The following TMEM163 variants were observed in gnomAD, a reference collection of about 807,000 sequenced individuals.
TMEM163 encodes the protein transmembrane protein 163.
TMEM163 carries 17 observed loss-of-function variants against 29.3 expected under a neutral mutation model. That is an observed-to-expected ratio of 0.58 (90% CI 0.40 to 0.87). The LOEUF (loss-of-function observed/expected upper bound fraction) is 0.87. TMEM163 is among the 40% of genes least tolerant of loss of function. The pLI is 0.00. For synonymous variants in TMEM163, 157 were observed against 160.6 expected, an observed-to-expected ratio of 0.98 and a Z score of 0.17; for missense variants, 303 against 381.5, an observed-to-expected ratio of 0.79 and a Z score of 1.71.
intron 2 of TMEM163, among the ~76,000 whole-genome samples, chr2:134,648,332 C>CTTCTCTTCTCTTCTCTTCTT (rs1683386156): frequency 6.6e-6 from 1 of 151,680 alleles, no homozygotes; most frequent in African/African-American, 2.4e-5. Flanking sequence ...CTTCTCTTCT[C>CTTCTCTTCTCTTCTCTTCTT]TTCTCTTCTC....
intron 2 of TMEM163, among the ~76,000 whole-genome samples, chr2:134,706,486 T>G (rs1181525893): frequency 6.6e-6 from 1 of 152,178 alleles, no homozygotes; most frequent in African/African-American, 2.4e-5. Context: ...AACACAATGA[T>G]ACAAGTATTG....
Position 134,621,201 on chromosome 2 carries a change from C to T in TMEM163, c.323-69110G>A, listed in dbSNP as rs1030548079. 2.0e-5 allele frequency among the ~76,000 whole-genome samples: 3 copies of T among 152,198 alleles called. No homozygotes were observed. The East Asian group carries it at 5.8e-4, about 29-fold the overall frequency. ...ATATATTTCACCAAAGAAGAAAACA[C>T]ACATGGCTAATAAGCACATGAAGAG... On this transcript the variant is annotated intron_variant, in intron 2 of 7. Coordinates refer to ENST00000281924, the MANE Select transcript of TMEM163 (RefSeq NM_030923.5).
chr2:134,705,718 G>T (rs1684796465), intron 2 of TMEM163, among the ~76,000 whole-genome samples: 1 of 152,202 alleles, frequency 6.6e-6, no homozygotes, highest in Non-Finnish European at 1.5e-5. Flanking sequence ...CCTGACAGAG[G>T]CAATTCCTAG....
At chr2:134,712,345 T>C (rs1684944409) in intron 2 of TMEM163, among the ~76,000 whole-genome samples, 1 of 152,200 alleles carries the variant, frequency 6.6e-6, no homozygotes, top group South Asian at 2.1e-4. Context: ...ACATGTGCTT[T>C]TTTTCTCCTA....
chr2:134,583,720 C>T (rs1681747842), intron 2 of TMEM163, among the ~76,000 whole-genome samples: 1 of 152,188 alleles, frequency 6.6e-6, no homozygotes, highest in Non-Finnish European at 1.5e-5. Flanking sequence ...CCAGTGACCT[C>T]ATGGTCCCCT....
chr2:134,456,907 T>C, intron 7 of TMEM163, 131 bp from the exon 8 acceptor site: 2 of 882,436 alleles, frequency 2.3e-6, no homozygotes, highest in Non-Finnish European at 3.6e-6. Context: ...GCTCGGTGGT[T>C]TTTAGTATAT....
intron 2 of TMEM163, among the ~76,000 whole-genome samples, chr2:134,570,526 C>CAAT: frequency 7.7e-6 from 1 of 130,218 alleles, no homozygotes; most frequent in Middle Eastern, 4.0e-3. Flanking sequence ...ACATATACAA[C>CAAT]ATAGTCATTT....
chr2:134,660,355 G>A (rs1683719912), intron 2 of TMEM163, among the ~76,000 whole-genome samples: 1 of 152,188 alleles, frequency 6.6e-6, no homozygotes, highest in Non-Finnish European at 1.5e-5. Flanking sequence ...CAATCAGGAA[G>A]GCAAGATATA....
intron 2 of TMEM163, among the ~76,000 whole-genome samples, chr2:134,566,009 T>C (rs1367526624): frequency 6.6e-6 from 1 of 152,190 alleles, no homozygotes; most frequent in East Asian, 1.9e-4. Flanking sequence ...GAGTGGTGGC[T>C]ACACAGCTAT....
rs570997349 is a variant in TMEM163 at position 134,595,265 on chromosome 2, C to T, written c.323-43174G>A. Reference sequence around the variant, plus strand: ...TCTCCTAATGCTATCCCTCCCCACTCCCCCCAACCCCACAACAGGCCCTGG... The same window carrying T: ...TCTCCTAATGCTATCCCTCCCCACTTCCCCCAACCCCACAACAGGCCCTGG... On this transcript the variant is annotated intron_variant, in intron 2 of 7. Coordinates refer to ENST00000281924, the MANE Select transcript of TMEM163 (RefSeq NM_030923.5). Among the ~76,000 whole-genome samples, 4 of 152,022 alleles carry T rather than the reference C, an allele frequency of 2.6e-5. No individual in the cohort carries two copies. The South Asian group carries it at 8.3e-4, about 32-fold the overall frequency.
At chr2:134,660,720 G>T (rs534093085) in intron 2 of TMEM163, among the ~76,000 whole-genome samples, 7 of 152,274 alleles carry the variant, frequency 4.6e-5, no homozygotes, top group Non-Finnish European at 1.5e-5. Flanking sequence ...GAGAAACCAG[G>T]CCATTAGACA....
At chr2:134,681,757 G>A (rs987877894) in intron 2 of TMEM163, among the ~76,000 whole-genome samples, 1 of 152,194 alleles carries the variant, frequency 6.6e-6, no homozygotes, top group Non-Finnish European at 1.5e-5. Context: ...AGGGTGTGTG[G>A]AATGGACAAA....
intron 2 of TMEM163, among the ~76,000 whole-genome samples, chr2:134,578,920 A>G (rs1252369739): frequency 6.6e-6 from 1 of 152,106 alleles, no homozygotes; most frequent in African/African-American, 2.4e-5. Flanking sequence ...CAAATTCCCT[A>G]CCACAGAGCT....
chr2:134,607,802 GGAC>G (rs1682407813), intron 2 of TMEM163, among the ~76,000 whole-genome samples: 1 of 45,796 alleles, frequency 2.2e-5, no homozygotes. Flanking sequence ...GTGAAAAGGA[GGAC>G]AGACCCCGAG....
intron 2 of TMEM163, among the ~76,000 whole-genome samples, chr2:134,644,036 A>T (rs1050562800): frequency 3.9e-5 from 6 of 152,102 alleles, no homozygotes; most frequent in Admixed American, 1.3e-4. Flanking sequence ...CAAAACATTA[A>T]ATGCAGGTAA....
chr2:134,527,276 T>G (rs1335256171), intron 4 of TMEM163, among the ~76,000 whole-genome samples: 1 of 152,156 alleles, frequency 6.6e-6, no homozygotes, highest in Non-Finnish European at 1.5e-5. Context: ...TATACATACA[T>G]GCATATGTGT....
intron 2 of TMEM163, among the ~76,000 whole-genome samples, chr2:134,565,235 CAA>C (rs1172343482): frequency 6.6e-6 from 1 of 150,720 alleles, no homozygotes; most frequent in East Asian, 2.0e-4. Flanking sequence ...AAGACTGTCT[CAA>C]AAACAAAAAC....
intron 2 of TMEM163, among the ~76,000 whole-genome samples, chr2:134,604,893 T>C (rs549182574): frequency 6.6e-6 from 1 of 152,242 alleles, no homozygotes; most frequent in South Asian, 2.1e-4. Flanking sequence ...AAGAACACAA[T>C]CCTTGGCCAG....
At chr2:134,668,784 A>C (rs1395344291) in intron 2 of TMEM163, among the ~76,000 whole-genome samples, 1 of 152,186 alleles carries the variant, frequency 6.6e-6, no homozygotes, top group Non-Finnish European at 1.5e-5. Context: ...CACACACAAA[A>C]AAAATCTACG....
Sources: allele counts gnomAD v4.1 joint callset (sites outside exome capture counted in the v4.1 genomes callset), GRCh38; gene constraint gnomAD v4.1.1; transcripts MANE v1.5; gene names NCBI Gene and HGNC (gene_info 2026-07-23, HGNC 2026-07-21).